SCAMP1: variants seen among roughly 807,000 people sequenced by gnomAD.
SCAMP1 encodes secretory carrier-associated membrane protein 1.
In SCAMP1, 15 loss-of-function variants were observed where a neutral mutation model predicts 41.8. The ratio of observed to expected loss-of-function variants is 0.36; its 90% CI spans 0.24 to 0.55. The LOEUF (loss-of-function observed/expected upper bound fraction) is 0.55. Among genes scored for constraint, SCAMP1 ranks in the 20% least tolerant of loss-of-function variants. The pLI is 0.86. For synonymous variants in SCAMP1, 135 were observed against 136.8 expected, an observed-to-expected ratio of 0.99 and a Z score of 0.09; for missense variants, 341 against 412.6, an observed-to-expected ratio of 0.83 and a Z score of 1.50.
At chr5:78,460,804 C>CTTTCTTTCTGT (rs1338982922) in intron 8 of SCAMP1, among the ~76,000 whole-genome samples, 1 of 24,718 alleles carries the variant, frequency 4.0e-5, no homozygotes, top group African/African-American at 1.3e-4. Flanking sequence ...TTCCTTCCTT[C>CTTTCTTTCTGT]CTCCCTTCCT....
intron 6 of SCAMP1, among the ~76,000 whole-genome samples, chr5:78,443,815 C>T (rs1226499437): frequency 1.3e-5 from 2 of 151,886 alleles, no homozygotes; most frequent in African/African-American, 2.4e-5. Context: ...TGTGCCACTA[C>T]ACCTAATTTT....
At chr5:78,384,462 A>C (rs902317169) in intron 1 of SCAMP1, among the ~76,000 whole-genome samples, 1 of 151,998 alleles carries the variant, frequency 6.6e-6, no homozygotes, top group Non-Finnish European at 1.5e-5. Context: ...TTCTTGTCTA[A>C]TTCCTCTGGC....
At chr5:78,368,774 A>G (rs1450781888) in intron 1 of SCAMP1, among the ~76,000 whole-genome samples, 3 of 152,192 alleles carry the variant, frequency 2.0e-5, no homozygotes, top group African/African-American at 7.2e-5. Context: ...CTAAAGGGAA[A>G]TAGGAGAGCT....
intron 2 of SCAMP1, among the ~76,000 whole-genome samples, chr5:78,412,078 T>C (rs1208258934): frequency 1.3e-5 from 2 of 152,254 alleles, no homozygotes; most frequent in East Asian, 3.9e-4. Flanking sequence ...AAAATGCAGT[T>C]TTTTTCAGTA....
intron 2 of SCAMP1, among the ~76,000 whole-genome samples, chr5:78,411,285 G>A (rs758157634): frequency 3.3e-5 from 5 of 151,952 alleles, no homozygotes; most frequent in Non-Finnish European, 7.4e-5. Flanking sequence ...ACATTTAAAG[G>A]ACCATACTTT....
chr5:78,469,914 AAAAAAAAAAAAAAAAAAACAAC>A (rs1445122486), intron 8 of SCAMP1, among the ~76,000 whole-genome samples: 5,994 of 47,168 alleles, frequency 0.13, 774 homozygotes, highest in African/African-American at 0.37. Context: ...AAAAAAAAAC[AAAAAAAAAAAAAAAAAAACAAC>A]AACACAGCCC....
chr5:78,407,154 G>C (rs960432257), intron 2 of SCAMP1, among the ~76,000 whole-genome samples: 1 of 152,234 alleles, frequency 6.6e-6, no homozygotes, highest in African/African-American at 2.4e-5. Flanking sequence ...CAGTGAGATA[G>C]AGAGGTCTTC....
At chr5:78,407,654 C>G (rs185734082) in intron 2 of SCAMP1, among the ~76,000 whole-genome samples, 218 of 149,374 alleles carry the variant, frequency 1.5e-3, no homozygotes, top group African/African-American at 5.1e-3. Context: ...CTCTGGACCT[C>G]TTAATTGTAT....
At chr5:78,459,841 T>C (rs763128139) in intron 8 of SCAMP1, among the ~76,000 whole-genome samples, 10 of 152,310 alleles carry the variant, frequency 6.6e-5, no homozygotes, top group Admixed American at 2.6e-4. Flanking sequence ...TGCTGGGGTT[T>C]GGGCTTCTAT....
chr5:78,468,622 G>C (rs1753799949), intron 8 of SCAMP1, among the ~76,000 whole-genome samples: 1 of 152,126 alleles, frequency 6.6e-6, no homozygotes, highest in African/African-American at 2.4e-5. Context: ...TTCACATTAA[G>C]TAGTTTTTAA....
At chr5:78,453,445 C>T (rs1245377128) in intron 7 of SCAMP1, among the ~76,000 whole-genome samples, 1 of 151,936 alleles carries the variant, frequency 6.6e-6, no homozygotes, top group African/African-American at 2.4e-5. Flanking sequence ...AACAGGGAAT[C>T]CTTTCCCCAT....
At chr5:78,390,788 AGGACCCTGC>A (rs1230492718) in intron 2 of SCAMP1, among the ~76,000 whole-genome samples, 2 of 150,784 alleles carry the variant, frequency 1.3e-5, no homozygotes, top group Non-Finnish European at 3.0e-5. Context: ...TCCTAGGCAG[AGGACCCTGC>A]GGCCTTCCGC....
chr5:78,377,403 A>T (rs1751092580), intron 1 of SCAMP1, among the ~76,000 whole-genome samples: 1 of 152,058 alleles, frequency 6.6e-6, no homozygotes, highest in Non-Finnish European at 1.5e-5. Context: ...TATGTCTCAT[A>T]TTCAGTCTCC....
intron 2 of SCAMP1, among the ~76,000 whole-genome samples, chr5:78,396,126 A>G (rs1207378726): frequency 6.6e-6 from 1 of 152,186 alleles, no homozygotes; most frequent in Non-Finnish European, 1.5e-5. Flanking sequence ...TGAAACATAG[A>G]GGATTTTTAG....
chr5:78,426,863 AGG>A lies in SCAMP1; in HGVS notation c.632+4904_632+4905del, dbSNP rs1368693719. 2.6e-5 allele frequency among the ~76,000 whole-genome samples: 4 copies of A among 152,100 alleles called. No individual in the cohort carries two copies. The East Asian group carries it at 7.7e-4, about 29-fold the overall frequency. On this transcript the variant is annotated intron_variant, in intron 6 of 8. Transcript: ENST00000621999. ...TCTTTTACTTAGAATAACGTTTTTG[AGG>A]TTTATTCGGGCTGCAGAATGTGTTA... is the stretch of plus-strand genomic sequence containing the variant.
chr5:78,373,779 T>C (rs1035385135), intron 1 of SCAMP1, among the ~76,000 whole-genome samples: 2 of 152,160 alleles, frequency 1.3e-5, no homozygotes, highest in Non-Finnish European at 2.9e-5. Flanking sequence ...ACATTTGGTA[T>C]CTAATTCTTT....
intron 1 of SCAMP1, among the ~76,000 whole-genome samples, chr5:78,382,181 T>A (rs1478064562): frequency 6.6e-6 from 1 of 152,186 alleles, no homozygotes; most frequent in Non-Finnish European, 1.5e-5. Flanking sequence ...CTCTGTGTCT[T>A]ATTTGATTTT....
chr5:78,413,060 C>T (rs1009341695), intron 2 of SCAMP1, among the ~76,000 whole-genome samples: 2 of 152,104 alleles, frequency 1.3e-5, no homozygotes, highest in African/African-American at 4.8e-5. Flanking sequence ...GTATTTTTCC[C>T]TGAAAGTGTT....
intron 8 of SCAMP1, among the ~76,000 whole-genome samples, chr5:78,460,790 T>TTCCTTTGGTTTCTTTTC (rs1561287090): frequency 5.0e-4 from 24 of 47,982 alleles, no homozygotes; most frequent in African/African-American, 3.1e-3. Context: ...CCTTCCTTCC[T>TTCCTTTGGTTTCTTTTC]TCCTTCCTTC....
Sources: gnomAD v4.1 joint callset for allele counts (sites outside exome capture counted in the v4.1 genomes callset) on GRCh38, gnomAD v4.1.1 for gene constraint, MANE v1.5 for transcripts, NCBI Gene and HGNC (gene_info 2026-07-23, HGNC 2026-07-21) for gene names.